PROS1: variants seen among roughly 807,000 people sequenced by gnomAD.
PROS1 encodes vitamin K-dependent protein S.
Under a neutral mutation model 75.9 loss-of-function variants are expected in PROS1, and 29 were observed. The observed-to-expected ratio is 0.38, with a 90% CI of 0.28 to 0.52. The LOEUF (loss-of-function observed/expected upper bound fraction) is 0.52. PROS1 is among the 20% of genes least tolerant of loss of function. The pLI is 0.83. For synonymous variants in PROS1, 245 were observed against 280.6 expected (o/e 0.87, Z 1.27); for missense variants, 680 against 810.3 (o/e 0.84, Z 1.95).
chr3:93,885,328 C>A (rs528569621), intron 11 of PROS1, among the ~76,000 whole-genome samples: 7 of 152,136 alleles, frequency 4.6e-5, no homozygotes, highest in African/African-American at 1.4e-4. Context: ...CTGGTTCAAG[C>A]GATTCTCCTG....
chr3:93,921,983 C>T (rs1708948848), intron 3 of PROS1, among the ~76,000 whole-genome samples: 3 of 152,134 alleles, frequency 2.0e-5, no homozygotes, highest in African/African-American at 7.2e-5. Flanking sequence ...AAGTTCATGT[C>T]ATTTTTTAAA....
At chr3:93,929,446 A>C (rs1431256248) in intron 1 of PROS1, among the ~76,000 whole-genome samples, 1 of 151,984 alleles carries the variant, frequency 6.6e-6, no homozygotes, top group African/African-American at 2.4e-5. Flanking sequence ...ACACCACTGC[A>C]CTCCAGTGTG....
chr3:93,967,680 G>A (rs1454429377), intron 1 of PROS1, among the ~76,000 whole-genome samples: 2 of 152,166 alleles, frequency 1.3e-5, no homozygotes, highest in Non-Finnish European at 2.9e-5. Context: ...GAGTCCAGGA[G>A]TTTAAGATCA....
chr3:93,917,295 G>C lies in PROS1; in HGVS notation c.260-6590C>G, dbSNP rs567416569. 2.0e-5 allele frequency among the ~76,000 whole-genome samples: 3 copies of C among 152,142 alleles called. No homozygotes were observed. In the South Asian group the frequency reaches 6.2e-4, roughly 32 times the overall value. On this transcript the variant is annotated intron_variant, in intron 3 of 14. Coordinates refer to ENST00000394236, the MANE Select transcript of PROS1 (RefSeq NM_000313.4). ...TTTTTTTGTTTGTTTGTTTTGTTTT[G>C]TTTTTTGTTTCTTTGTTTTTTTCTT... is the stretch of plus-strand genomic sequence containing the variant.
In PROS1 at chr3:93,927,376, C is replaced by T; in HGVS notation, c.108G>A (p.Leu36=). 1 of 1,614,116 alleles carries T rather than the reference C, an allele frequency of 6.2e-7. No individual in the cohort carries two copies. ...FLSKQQASQV[L]VRKRRANSLL... ...AAGAATTTGCACGACGCTTCCTAAC[C>T]AGGACTTGTGAAGCCTGTTGCTTTG... Residue 36 remains leucine (L), a synonymous_variant, in exon 2 of 15, where the codon CTG becomes CTA. Transcript: ENST00000394236.
chr3:93,949,607 A>C (rs1425206282), intron 1 of PROS1, among the ~76,000 whole-genome samples: 1 of 151,642 alleles, frequency 6.6e-6, no homozygotes, highest in African/African-American at 2.4e-5. Flanking sequence ...AATCTATAAG[A>C]AAAAAAGCTC....
chr3:93,925,523 A>T (rs1417446882), intron 2 of PROS1, among the ~76,000 whole-genome samples: 1 of 152,094 alleles, frequency 6.6e-6, no homozygotes, highest in Non-Finnish European at 1.5e-5. Flanking sequence ...TGAGAATTGT[A>T]ACACAGTAAC....
At chr3:93,889,312 A>G (rs1376812796) in intron 10 of PROS1, among the ~76,000 whole-genome samples, 1 of 152,162 alleles carries the variant, frequency 6.6e-6, no homozygotes, top group Non-Finnish European at 1.5e-5. Context: ...AAGAGCACTG[A>G]CTTTTTTTTA....
intron 1 of PROS1, among the ~76,000 whole-genome samples, chr3:93,930,009 A>G (rs1342348246): frequency 6.6e-6 from 1 of 152,232 alleles, no homozygotes; most frequent in Non-Finnish European, 1.5e-5. Context: ...AGATTTATCA[A>G]CAGTTACTAT....
At chr3:93,945,094 G>A (rs1576208644) in intron 1 of PROS1, among the ~76,000 whole-genome samples, 2 of 151,718 alleles carry the variant, frequency 1.3e-5, no homozygotes, top group Non-Finnish European at 2.9e-5. Flanking sequence ...TGGGACACAT[G>A]CACCCTCCCA....
At chr3:93,964,393 G>C (rs1460641510) in intron 1 of PROS1, among the ~76,000 whole-genome samples, 2 of 152,032 alleles carry the variant, frequency 1.3e-5, no homozygotes, top group African/African-American at 4.8e-5. Context: ...ATTCCTGGGG[G>C]GCCGCTTATA....
intron 1 of PROS1, among the ~76,000 whole-genome samples, chr3:93,941,772 C>T (rs572364712): frequency 2.2e-4 from 34 of 152,310 alleles, no homozygotes; most frequent in South Asian, 1.2e-3. Context: ...TGCCTCCGTG[C>T]GGCAGCTGCT....
intron 1 of PROS1, among the ~76,000 whole-genome samples, chr3:93,953,335 A>G (rs1373310578): frequency 6.6e-6 from 1 of 152,184 alleles, no homozygotes; most frequent in African/African-American, 2.4e-5. Flanking sequence ...CCTCAATAAA[A>G]TACTGGCAAA....
At chr3:93,941,817 C>T (rs995603931) in intron 1 of PROS1, among the ~76,000 whole-genome samples, 5 of 152,196 alleles carry the variant, frequency 3.3e-5, no homozygotes, top group African/African-American at 1.2e-4. Flanking sequence ...CTCAAAATCA[C>T]AAACTATTCT....
rs1576185181 is a variant in PROS1 at position 93,902,736 on chromosome 3, C to T, written c.602-1807G>A. ...CTACATTCCAGCCTGGGCATCATAGCGAGACTCTGTCTCAAAAAAAAAAAA... is the reference window on the plus strand; with the variant it reads ...CTACATTCCAGCCTGGGCATCATAGTGAGACTCTGTCTCAAAAAAAAAAAA... On this transcript the variant is annotated intron_variant, in intron 6 of 14. Coordinates refer to ENST00000394236, the MANE Select transcript of PROS1 (RefSeq NM_000313.4). Among the ~76,000 whole-genome samples, 5 of 150,184 alleles carry T rather than the reference C, an allele frequency of 3.3e-5. No individual in the cohort carries two copies. The South Asian group carries it at 8.4e-4, about 25-fold the overall frequency.
chr3:93,907,135 C>T (rs527312167), intron 4 of PROS1, among the ~76,000 whole-genome samples: 9 of 152,364 alleles, frequency 5.9e-5, no homozygotes, highest in Admixed American at 1.3e-4. Flanking sequence ...GTCCTGCTGA[C>T]TGATGGGGGA....
intron 1 of PROS1, among the ~76,000 whole-genome samples, chr3:93,938,215 A>G (rs1576204376): frequency 6.6e-6 from 1 of 152,278 alleles, no homozygotes; most frequent in African/African-American, 2.4e-5. Flanking sequence ...CTCCTGGCTC[A>G]GCAGCTCCCC....
intron 1 of PROS1, chr3:93,928,875 T>A (rs1576199610): frequency 1.9e-6 from 1 of 532,022 alleles, no homozygotes; most frequent in African/African-American, 2.0e-5. Context: ...TATAAAGTGT[T>A]CAAATCAAAC....
chr3:93,883,338 G>C (rs145895474), intron 12 of PROS1, among the ~76,000 whole-genome samples: 8 of 152,210 alleles, frequency 5.3e-5, no homozygotes, highest in African/African-American at 1.9e-4. Flanking sequence ...GGTGGCTCAA[G>C]CCTGTAATCC....
Sources: gnomAD v4.1 joint callset for allele counts (sites outside exome capture counted in the v4.1 genomes callset) on GRCh38, gnomAD v4.1.1 for gene constraint, MANE v1.5 for transcripts, NCBI Gene and HGNC (gene_info 2026-07-23, HGNC 2026-07-21) for gene names.